ADGRV1: variants seen among roughly 807,000 people sequenced by gnomAD.
ADGRV1 encodes adhesion G protein-coupled receptor V1.
In ADGRV1, 359 loss-of-function variants were observed where a neutral mutation model predicts 596.2. The observed-to-expected ratio is 0.60, with a 90% CI of 0.55 to 0.66. The LOEUF is 0.66. Ranked by LOEUF, ADGRV1 falls within the 30% of genes least tolerant of loss-of-function variation. The pLI is 0.00. For synonymous variants in ADGRV1, 2,681 were observed against 2,679.2 expected (o/e 1.00, Z -0.02); for missense variants, 7,274 against 7,575.6 (o/e 0.96, Z 1.48).
Position 90,778,457 on chromosome 5 carries a change from A to C in ADGRV1, c.12697A>C (p.Ser4233Arg), listed in dbSNP as rs770802961. The change falls in exon 63 of 90, where the codon AGC becomes CGC. Residue 4233 changes from serine (S) to arginine (R), a missense_variant. Ser to Arg is a moderately radical substitution (Grantham distance 110). This residue lies in a region of ADGRV1 where 3,643 missense variants were observed against 3,809.2 expected (regional missense o/e 0.96). Coordinates refer to ENST00000405460, the MANE Select transcript of ADGRV1 (RefSeq NM_032119.4). ...ALNDDIPEEK[S>R]FYEFQLTAVS... ...GAACGATGACATTCCCGAGGAAAAAAGCTTCTATGAGTTTCAGCTCACTGC... is the reference window on the plus strand; with the variant it reads ...GAACGATGACATTCCCGAGGAAAAACGCTTCTATGAGTTTCAGCTCACTGC... 32 of 1,612,810 alleles carry C rather than the reference A, an allele frequency of 2.0e-5. No individual in the cohort carries two copies. The Admixed American group carries it at 4.8e-4, about 24-fold the overall frequency.
chr5:91,074,234 T>C (rs1788648402), intron 86 of ADGRV1, among the ~76,000 whole-genome samples: 1 of 152,218 alleles, frequency 6.6e-6, no homozygotes, highest in Admixed American at 6.5e-5. Context: ...AAATTGCATG[T>C]CACCTCATGG....
chr5:90,750,786 T>A, intron 53 of ADGRV1, 89 bp downstream of exon 53: 1 of 983,774 alleles, frequency 1.0e-6, no homozygotes, highest in Non-Finnish European at 1.6e-6. Context: ...GGATGAAGTG[T>A]TTGAGTTTGA....
intron 83 of ADGRV1, among the ~76,000 whole-genome samples, chr5:90,927,862 A>G (rs1483992237): frequency 2.6e-5 from 4 of 152,068 alleles, no homozygotes; most frequent in Non-Finnish European, 5.9e-5. Flanking sequence ...GCTTTTCTGT[A>G]AAGTATTTTA....
chr5:90,642,093 C>G (rs187738157), intron 11 of ADGRV1, among the ~76,000 whole-genome samples: 1 of 152,172 alleles, frequency 6.6e-6, no homozygotes, highest in African/African-American at 2.4e-5. Context: ...ACAACATATT[C>G]CTAAAATGTA....
At chr5:90,900,047 G>A (rs932031924) in intron 83 of ADGRV1, among the ~76,000 whole-genome samples, 31 of 152,036 alleles carry the variant, frequency 2.0e-4, no homozygotes, top group African/African-American at 7.0e-4. Flanking sequence ...TTTTCTCAGC[G>A]AATTTCATGT....
chr5:90,973,733 A>G (rs1331103377), intron 84 of ADGRV1, among the ~76,000 whole-genome samples: 1 of 152,208 alleles, frequency 6.6e-6, no homozygotes, highest in Non-Finnish European at 1.5e-5. Flanking sequence ...TGACAAACCT[A>G]CAACCAATAT....
At chr5:90,626,272 T>C (rs1158569052) in intron 6 of ADGRV1, 2 of 152,088 alleles carry the variant, frequency 1.3e-5, no homozygotes, top group Admixed American at 1.3e-4. Flanking sequence ...AAATGAAATA[T>C]TTGGAAGCAT....
In ADGRV1 at chr5:90,710,964, C is replaced by T. The variant is rs1169140644; in HGVS notation, c.8825-17C>T. 1.3e-6 allele frequency: 2 copies of T among 1,484,336 alleles called. No homozygotes were observed. Among genetic ancestry groups the T allele is most frequent in the Non-Finnish European group, 1.9e-6 (2 of 1,068,582 alleles). The allele number at this position is 1,484,336 out of a possible 1,614,324, so 91.9% of individuals were successfully genotyped here. A position where few individuals can be genotyped will look rare whatever the true frequency, so the allele number is the denominator to read the frequency against. The stretch of plus-strand genomic sequence containing the variant: ...TCATTTATATGTATTTTAAGATATG[C>T]TTCTATGTTTTTTAAGATTCAGAAG... On this transcript the variant is annotated splice_polypyrimidine_tract_variant and intron_variant, in intron 39 of 89. Coordinates refer to ENST00000405460, the MANE Select transcript of ADGRV1 (RefSeq NM_032119.4).
intron 1 of ADGRV1, among the ~76,000 whole-genome samples, chr5:90,595,812 G>T (rs1363030248): frequency 1.0e-3 from 151 of 146,918 alleles, no homozygotes; most frequent in African/African-American, 3.6e-3. Context: ...CTCCCTCCCG[G>T]ACGGGGCAGC....
chr5:91,103,593 A>T (rs900040242), intron 87 of ADGRV1, among the ~76,000 whole-genome samples: 3 of 151,956 alleles, frequency 2.0e-5, no homozygotes, highest in African/African-American at 7.3e-5. Context: ...TGCTTGGCAG[A>T]CACACAGTGT....
At chr5:90,811,507 A>T (rs1334617878) in intron 74 of ADGRV1, among the ~76,000 whole-genome samples, 169 bp downstream of exon 74, 1 of 152,170 alleles carries the variant, frequency 6.6e-6, no homozygotes, top group Non-Finnish European at 1.5e-5. Context: ...TGAACTCATG[A>T]TGTGCTGTTC....
intron 1 of ADGRV1, among the ~76,000 whole-genome samples, chr5:90,583,606 C>G (rs1042534009): frequency 3.3e-5 from 5 of 152,092 alleles, no homozygotes; most frequent in African/African-American, 1.2e-4. Context: ...CCCATACTTG[C>G]ATTTTTTCAT....
rs181326154 is a variant in ADGRV1, at chr5:90,757,331, G to A, written c.11940+170G>A. 1.3e-4 allele frequency among the ~76,000 whole-genome samples: 20 copies of A among 152,170 alleles called. No individual in the cohort carries two copies. In the East Asian group the frequency reaches 3.9e-3, roughly 29 times the overall value. ...GAAATACAATTTATTAATGGGCATA[G>A]GAAGAGACTTATAAAGATACAACAA... On this transcript the variant is annotated intron_variant, in intron 57 of 89. Coordinates refer to ENST00000405460, the MANE Select transcript of ADGRV1 (RefSeq NM_032119.4).
chr5:91,016,204 G>A (rs1783158197), intron 85 of ADGRV1, among the ~76,000 whole-genome samples: 1 of 151,806 alleles, frequency 6.6e-6, no homozygotes, highest in Non-Finnish European at 1.5e-5. Context: ...GGCTAATTTG[G>A]ACCATGCCAT....
Position 90,651,606 on chromosome 5 carries a change from G to A in ADGRV1, c.3292G>A (p.Asp1098Asn), listed in dbSNP as rs199690158. Residue 1098 changes from aspartate to asparagine, a missense_variant and splice_region_variant, in exon 18 of 90, where the codon GAT (aspartate) becomes AAT (asparagine). By Grantham distance (23) the Asp-to-Asn change is conservative. Coordinates refer to ENST00000405460, the MANE Select transcript of ADGRV1 (RefSeq NM_032119.4). Reference sequence around the variant, plus strand: ...TGTCTTTTCCACTTTTAATTTAGGTGATACAGTAGTATATCAATATGGAGT... The same window carrying A: ...TGTCTTTTCCACTTTTAATTTAGGTAATACAGTAGTATATCAATATGGAGT... ...FYIILLNSTGDTVVYQYGVAT... is the reference protein window; with the variant it reads ...FYIILLNSTGNTVVYQYGVAT... 27 of 1,535,338 alleles carry A rather than the reference G, an allele frequency of 1.8e-5. No homozygotes were observed. The highest frequency in any genetic ancestry group is 3.5e-4 in the Middle Eastern group (2 of 5,792).
rs1186195587 is a variant in ADGRV1, at chr5:91,149,755, T to C, written c.18433-275T>C. Among the ~76,000 whole-genome samples the C allele has an allele frequency of 3.6e-5, 5 of 140,516 alleles. No individual in the cohort carries two copies. In the East Asian group the frequency reaches 1.0e-3, roughly 29 times the overall value. 92.2% of individuals were successfully genotyped at this position (140,516 alleles called of 152,430 possible). A position where few individuals can be genotyped will look rare whatever the true frequency, so the allele number is the denominator to read the frequency against. ...GACTGAGGCAGGAGAATCACTTGAG[T>C]CTGAGAGGCAGAAGTGCAGTGAGCC... On this transcript the variant is annotated intron_variant, in intron 87 of 89. Coordinates refer to ENST00000405460, the MANE Select transcript of ADGRV1 (RefSeq NM_032119.4).
At chr5:91,037,350 T>TA (rs199916437) in intron 85 of ADGRV1, among the ~76,000 whole-genome samples, 43 of 151,570 alleles carry the variant, frequency 2.8e-4, no homozygotes, top group South Asian at 8.4e-4. Context: ...CATATATTCT[T>TA]AAAAAAAAAT....
Position 90,689,195 on chromosome 5 carries a change from G to A in ADGRV1, c.6491-666G>A, listed in dbSNP as rs190215968. Among the ~76,000 whole-genome samples, 7 of 152,212 alleles carry A rather than the reference G, an allele frequency of 4.6e-5. No individual in the cohort carries two copies. The East Asian group carries it at 5.8e-4, about 13-fold the overall frequency. On this transcript the variant is annotated intron_variant, in intron 29 of 89. Transcript: ENST00000405460. ...CAGGCCCATCTAATACCTAACTGGT[G>A]TAGGCTGGGGTAGCTCCTAGGAATA...
chr5:90,870,213 T>C (rs1768532041), intron 83 of ADGRV1, among the ~76,000 whole-genome samples: 2 of 152,206 alleles, frequency 1.3e-5, no homozygotes, highest in Non-Finnish European at 2.9e-5. Context: ...ATATAACTAA[T>C]GTCATTAAGG....
Sources: gnomAD v4.1 joint callset for allele counts (sites outside exome capture counted in the v4.1 genomes callset) on GRCh38, gnomAD v4.1.1 for gene constraint, gnomAD v4.1.1 regional missense constraint, MANE v1.5 for transcripts, NCBI Gene and HGNC (gene_info 2026-07-23, HGNC 2026-07-21) for gene names.